The following UGGT1 variants were observed in gnomAD, a reference collection of about 807,000 sequenced individuals.
The protein encoded by UGGT1 is UDP-glucose:glycoprotein glucosyltransferase 1.
Under a neutral mutation model 203.9 loss-of-function variants are expected in UGGT1, and 107 were observed. That is an observed-to-expected ratio of 0.52 (90% confidence interval 0.45 to 0.62). UGGT1 has a LOEUF of 0.62. Among genes scored for constraint, UGGT1 ranks in the 20% least tolerant of loss-of-function variants. UGGT1 has a pLI of 0.00. For synonymous variants in UGGT1, 628 were observed against 653.5 expected (o/e 0.96, Z 0.59); for missense variants, 1,673 against 1,867.2 (o/e 0.90, Z 1.92).
At chr2:128,134,653 C>A (rs763348882) in intron 14 of UGGT1, among the ~76,000 whole-genome samples, 1 of 152,184 alleles carries the variant, frequency 6.6e-6, no homozygotes, top group Non-Finnish European at 1.5e-5. Context: ...GTACAGTTCC[C>A]TTGTTATCAG....
At chr2:128,171,184 G>A (rs763123982) in intron 27 of UGGT1, 21 bp from the exon 28 acceptor site, 1 of 1,594,804 alleles carries the variant, frequency 6.3e-7, no homozygotes, top group Non-Finnish European at 8.5e-7. Context: ...TAAATATTTT[G>A]TCATCTGGTT....
chr2:128,157,372 A>G (rs1558802833), intron 22 of UGGT1, 26 bp downstream of exon 22: 3 of 1,600,560 alleles, frequency 1.9e-6, no homozygotes, highest in Non-Finnish European at 1.7e-6. Context: ...TTCATTTTAT[A>G]TTTTTGTTTG....
rs780456898 is a variant in UGGT1, at chr2:128,186,822, C to G, written c.4476+23C>G. ...TTGGTAAGCCGTATGTGGTGTGCTT[C>G]TGCATGTTCATCCACTGGATGTGTG... On this transcript the variant is annotated intron_variant, in intron 39 of 40. Coordinates refer to ENST00000259253, the MANE Select transcript of UGGT1 (RefSeq NM_020120.4). 12 of 1,556,548 alleles carry G rather than the reference C, an allele frequency of 7.7e-6. 1 individual carries two copies. In the African/African-American group the frequency reaches 1.1e-4, roughly 14 times the overall value.
Position 128,172,661 on chromosome 2 carries a change from C to T in UGGT1, c.3193C>T (p.Pro1065Ser), listed in dbSNP as rs1669273988. Residue 1065 changes from proline to serine, a missense_variant, in exon 29 of 41, where the codon CCT (proline) becomes TCT (serine). Pro to Ser is a moderately conservative substitution (Grantham distance 74). This residue lies in a region of UGGT1 where 513 missense variants were observed against 684.1 expected (regional missense o/e 0.75). Transcript: ENST00000259253. ...TCCAATCGCAAAATTTTTGGATATG[C>T]CTCAGTCTCCACTGTTCACTCTGAA... ...KGPIAKFLDM[P>S]QSPLFTLNLN... 1 of 1,614,100 alleles carries T rather than the reference C, an allele frequency of 6.2e-7. No individual in the cohort carries two copies. The highest frequency in any genetic ancestry group is 2.2e-5 in the East Asian group (1 of 44,874).
At chr2:128,127,707 A>G (rs2105409859) in intron 12 of UGGT1, among the ~76,000 whole-genome samples, 1 of 152,238 alleles carries the variant, frequency 6.6e-6, no homozygotes, top group African/African-American at 2.4e-5. Flanking sequence ...ATACTTTTCC[A>G]CTTAACCATG....
chr2:128,115,142 GT>G lies in UGGT1; in HGVS notation c.718del (p.Tyr240ThrfsTer24). ...CTTGCAGAATCCCAGGAAGGAGCCTGTTTACCTCTCTGGCTATGGCGTGGAA... is the reference window on the plus strand; with the variant it reads ...CTTGCAGAATCCCAGGAAGGAGCCTGTTACCTCTCTGGCTATGGCGTGGAA... ...HYIFNPRKEP[V>X]YLSGYGVELA... On this transcript the variant is annotated frameshift_variant, in exon 7 of 41. Coordinates refer to ENST00000259253, the MANE Select transcript of UGGT1 (RefSeq NM_020120.4). LOFTEE classifies it high-confidence loss of function. 6.2e-7 allele frequency: 1 copy of G among 1,614,048 alleles called. No individual in the cohort carries two copies. The highest frequency in any genetic ancestry group is 2.2e-5 in the East Asian group (1 of 44,864).
chr2:128,126,624 T>C (rs1245572949), intron 11 of UGGT1, among the ~76,000 whole-genome samples: 3 of 151,508 alleles, frequency 2.0e-5, no homozygotes, highest in Middle Eastern at 6.4e-3. Flanking sequence ...AATGAACCCA[T>C]CTATATTACC....
intron 11 of UGGT1, among the ~76,000 whole-genome samples, chr2:128,123,655 A>G (rs1462035254): frequency 2.0e-5 from 3 of 152,070 alleles, no homozygotes; most frequent in Non-Finnish European, 4.4e-5. Flanking sequence ...TCAGTGTCCC[A>G]CCACTATTCT....
intron 2 of UGGT1, among the ~76,000 whole-genome samples, chr2:128,098,706 G>A (rs536708391): frequency 1.0e-4 from 15 of 149,116 alleles, no homozygotes; most frequent in Non-Finnish European, 1.6e-4. Context: ...CCCAGATCAC[G>A]CCATTGCAGT....
chr2:128,137,617 T>C (rs1176377305), intron 15 of UGGT1, among the ~76,000 whole-genome samples: 1 of 152,236 alleles, frequency 6.6e-6, no homozygotes, highest in African/African-American at 2.4e-5. Context: ...CTAACATCAT[T>C]GCCAAGCTCG....
Position 128,178,517 on chromosome 2 carries a change from A to G in UGGT1, c.3763A>G (p.Ile1255Val), listed in dbSNP as rs756793050. The G allele has an allele frequency of 5.6e-6, 9 of 1,613,880 alleles. No homozygotes were observed. Among genetic ancestry groups the G allele is most frequent in the East Asian group, 2.2e-5 (1 of 44,878 alleles). Residue 1255 changes from isoleucine (I) to valine (V), a missense_variant, in exon 34 of 41, where the codon ATA becomes GTA. By Grantham distance (29) the Ile-to-Val change is conservative. This residue lies in a region of UGGT1 where 513 missense variants were observed against 684.1 expected (regional missense o/e 0.75). Transcript: ENST00000259253. ...TEEVKQDKDD[I>V]INIFSVASGH... ...GGAAGTGAAGCAAGATAAAGATGAC[A>G]TAATTAATATTTTCTCCGTTGCATC...
chr2:128,169,048 T>TAA lies in UGGT1; in HGVS notation c.2922-1198_2922-1197dup, dbSNP rs544381740. Among the ~76,000 whole-genome samples the TAA allele has an allele frequency of 1.2e-3, 63 of 52,544 alleles. 6 individuals are homozygous for TAA. The highest frequency in any genetic ancestry group is 4.2e-3 in the East Asian group (7 of 1,678). 34.5% of individuals were successfully genotyped at this position (52,544 alleles called of 152,430 possible). On this transcript the variant is annotated intron_variant, in intron 26 of 40. Transcript: ENST00000259253. ...GGGTGAATGAGCGAGACTCTGTCTT[T>TAA]AAAAAAAAAAAAAAAAAAAAAAAAA... is the stretch of plus-strand genomic sequence containing the variant.
chr2:128,149,050 A>G (rs1267018722), intron 18 of UGGT1, among the ~76,000 whole-genome samples: 1 of 151,910 alleles, frequency 6.6e-6, no homozygotes, highest in Admixed American at 6.6e-5. Flanking sequence ...TTCCTTACCA[A>G]AACTTTTTTT....
intron 6 of UGGT1, among the ~76,000 whole-genome samples, chr2:128,114,032 AT>A (rs1209383514): frequency 6.6e-6 from 1 of 152,158 alleles, no homozygotes; most frequent in Non-Finnish European, 1.5e-5. Context: ...TAAAATATTT[AT>A]ATGTAAAGGT....
intron 16 of UGGT1, among the ~76,000 whole-genome samples, chr2:128,139,346 A>G (rs923100974): frequency 4.6e-5 from 7 of 152,204 alleles, no homozygotes; most frequent in Admixed American, 6.5e-5. Flanking sequence ...TCAGTCCCAA[A>G]TAGCTGGGAT....
At chr2:128,091,721 C>A in intron 1 of UGGT1, 2 of 612,118 alleles carry the variant, frequency 3.3e-6, no homozygotes, top group African/African-American at 1.9e-5. Flanking sequence ...GGATTTAGAC[C>A]AAGCTTGATC....
chr2:128,189,742 A>C lies in UGGT1; in HGVS notation c.4668A>C (p.Ter1556CysextTer20). The C allele has an allele frequency of 6.2e-7, 1 of 1,613,004 alleles. No individual in the cohort carries two copies. Among genetic ancestry groups the C allele is most frequent in the Non-Finnish European group, 8.5e-7 (1 of 1,179,386 alleles). ...GTCCTCAGAAACGTGAAGAATTATG[A>C]TCTCTGGAGAAGGACAGGAAATCAC... ...REGPQKREEL* is the reference protein window; with the variant it reads ...REGPQKREELC The change falls in exon 41 of 41, where the codon TGA (stop) becomes TGC (cysteine). Residue 1556 changes from the stop codon to cysteine, a stop_lost. Coordinates refer to ENST00000259253, the MANE Select transcript of UGGT1 (RefSeq NM_020120.4).
In UGGT1 at chr2:128,138,729, C is replaced by G. The variant is rs773227351; in HGVS notation, c.1596C>G (p.Ile532Met). 16 of 1,611,390 alleles carry G rather than the reference C, an allele frequency of 9.9e-6. No individual in the cohort carries two copies. The African/African-American group carries it at 2.1e-4, about 22-fold the overall frequency. Reference protein sequence around the residue: ...SNHIPLRIGFIFVVNDSEDVD... With the variant: ...SNHIPLRIGFMFVVNDSEDVD... ...CCTTTCCCTCCAGAATTGGTTTTAT[C>G]TTTGTGGTTAATGACTCTGAAGATG... The change falls in exon 16 of 41, where the codon ATC becomes ATG. Residue 532 changes from isoleucine to methionine, a missense_variant. By Grantham distance (10) the Ile-to-Met change is conservative. Transcript: ENST00000259253.
chr2:128,153,500 A>G (rs975831941), intron 19 of UGGT1, among the ~76,000 whole-genome samples: 1 of 152,074 alleles, frequency 6.6e-6, no homozygotes, highest in Non-Finnish European at 1.5e-5. Flanking sequence ...CCATGTACCT[A>G]TTAGTAGTCA....
Sources: allele counts gnomAD v4.1 joint callset (sites outside exome capture counted in the v4.1 genomes callset), GRCh38; gene constraint gnomAD v4.1.1; regional missense constraint gnomAD v4.1.1; transcripts MANE v1.5; gene names NCBI Gene and HGNC (gene_info 2026-07-23, HGNC 2026-07-21).